The following PLCH2 variants were observed in gnomAD, a reference collection of about 807,000 sequenced individuals.
The protein encoded by PLCH2 is 1-phosphatidylinositol 4,5-bisphosphate phosphodiesterase eta-2.
A neutral mutation model predicts 134.7 loss-of-function variants in PLCH2; 98 were observed. The observed-to-expected ratio is 0.73, with a 90% CI of 0.62 to 0.86. The LOEUF is 0.86. PLCH2 is among the 40% of genes least tolerant of loss of function. The pLI is 0.00. For missense variants in PLCH2, 1,994 were observed against 1,986.6 expected, an observed-to-expected ratio of 1.00 and a Z score of -0.07; for synonymous variants, 974 against 827.5, an observed-to-expected ratio of 1.18 and a Z score of -3.04.
chr1:2,443,551 C>A (rs1283980806), intron 2 of PLCH2, among the ~76,000 whole-genome samples: 1 of 151,930 alleles, frequency 6.6e-6, no homozygotes, highest in African/African-American at 2.4e-5. Context: ...AGCATCTTTG[C>A]GGAGAAAGTA....
chr1:2,487,547 G>A, intron 7 of PLCH2, 51 bp from the exon 8 acceptor site: 1 of 1,583,252 alleles, frequency 6.3e-7, no homozygotes, highest in East Asian at 2.3e-5. Context: ...AGCCTGCCTG[G>A]GCTCACTGTG....
intron 2 of PLCH2, among the ~76,000 whole-genome samples, chr1:2,431,187 T>C (rs1383949920): frequency 6.6e-6 from 1 of 150,924 alleles, no homozygotes. Flanking sequence ...CCGCTTCTGC[T>C]CCCCCTGGGG....
chr1:2,497,811 A>G, intron 16 of PLCH2: 1 of 532,634 alleles, frequency 1.9e-6, no homozygotes, highest in South Asian at 2.8e-5. Flanking sequence ...TAGCGTTGCA[A>G]AGAAGGGCCC....
intron 2 of PLCH2, among the ~76,000 whole-genome samples, chr1:2,453,484 C>T (rs1044905128): frequency 3.3e-5 from 5 of 152,184 alleles, no homozygotes; most frequent in Non-Finnish European, 7.4e-5. Flanking sequence ...CCACTGGCCC[C>T]GGAATGCTGA....
chr1:2,428,635 C>T (rs985309826), intron 1 of PLCH2, among the ~76,000 whole-genome samples: 2 of 152,268 alleles, frequency 1.3e-5, no homozygotes, highest in Non-Finnish European at 2.9e-5. Flanking sequence ...AGCCCACGCC[C>T]GGCCCTTGCG....
chr1:2,426,842 A>T (rs1286110298), intron 1 of PLCH2, among the ~76,000 whole-genome samples: 1 of 152,236 alleles, frequency 6.6e-6, no homozygotes, highest in Admixed American at 6.5e-5. Flanking sequence ...CAGCAACCCC[A>T]CCAGCTTGGG....
Position 2,498,797 on chromosome 1 carries a change from C to A in PLCH2, c.2403C>A (p.Ser801Arg). The A allele has an allele frequency of 2.5e-6, 4 of 1,611,400 alleles. No individual in the cohort carries two copies. The highest frequency in any genetic ancestry group is 3.4e-6 in the Non-Finnish European group (4 of 1,179,018). The stretch of plus-strand genomic sequence containing the variant: ...TCATTGGGCTCCCTGTGGACTGCAG[C>A]AGGGAGCAGACCCGCGTGGTGGACG... ...VEIIGLPVDC[S>R]REQTRVVDDN... is the part of the protein sequence containing the mutation. The change falls in exon 18 of 22, where the codon AGC becomes AGA. Residue 801 changes from serine (S) to arginine (R), a missense_variant. Physicochemically the swap from Ser to Arg is moderately radical, Grantham distance 110. Around this residue, in one of 2 missense-constraint regions of PLCH2, gnomAD observed 1,094 missense variants for 1,234.3 expected, o/e 0.89. Transcript: ENST00000378486. This position sits in a 1 kb window ranked among gnomAD's most constrained non-coding sequence, Gnocchi z 5.4.
chr1:2,425,115 A>T (rs1478255342), upstream of PLCH2, among the ~76,000 whole-genome samples: 1 of 149,504 alleles, frequency 6.7e-6, no homozygotes, highest in Non-Finnish European at 1.5e-5. Flanking sequence ...GTGAGCGGAG[A>T]TCGCGCCACC....
Position 2,498,686 on chromosome 1 carries a change from T to TTTG in PLCH2, c.2349+39_2349+40insTTG. On this transcript the variant is annotated intron_variant, in intron 17 of 21. Transcript: ENST00000378486. The surrounding 1 kb of genome is among the most constrained non-coding windows in gnomAD (Gnocchi z 5.4). ...CCACACAGGCGGGAGGGGTGGGAGT[T>TTTG]GGGGGCGGGCCGGGCATCGCGATGG... The TTTG allele has an allele frequency of 8.3e-5, 23 of 275,712 alleles. No individual in the cohort carries two copies. The highest frequency in any genetic ancestry group is 1.2e-4 in the Non-Finnish European group (21 of 177,100). 17.1% of individuals were successfully genotyped at this position (275,712 alleles called of 1,614,324 possible).
intron 2 of PLCH2, among the ~76,000 whole-genome samples, chr1:2,451,643 C>T (rs767410580): frequency 6.6e-5 from 10 of 152,176 alleles, no homozygotes; most frequent in Non-Finnish European, 1.0e-4. Flanking sequence ...GGGCTCTGAC[C>T]CCTCAGAGGG....
the PLCH2 span, among the ~76,000 whole-genome samples, chr1:2,416,078 C>T: frequency 6.6e-6 from 1 of 152,256 alleles, no homozygotes; most frequent in South Asian, 2.1e-4. Flanking sequence ...ATCTGACGCA[C>T]CAGCAGGTGC....
chr1:2,457,116 C>T (rs1640534925), intron 2 of PLCH2, among the ~76,000 whole-genome samples: 1 of 152,244 alleles, frequency 6.6e-6, no homozygotes, highest in Non-Finnish European at 1.5e-5. Flanking sequence ...GTGGTCTTCT[C>T]ACACTGGCCA....
Position 2,505,340 on chromosome 1 carries a change from C to A in PLCH2, c.*127C>A. 1.5e-6 allele frequency: 1 copy of A among 660,942 alleles called. No homozygotes were observed. The highest frequency in any genetic ancestry group is 2.5e-6 in the Non-Finnish European group (1 of 400,398). The allele number at this position is 660,942 out of a possible 1,614,324, so 40.9% of individuals were successfully genotyped here. On this transcript the variant is annotated 3_prime_UTR_variant, in exon 22 of 22. Transcript: ENST00000378486. ...CCCTGGCTGCCCTGTGTCCCCTCCA[C>A]CCCTGCCTCCCTCCTGCCCCTGCTC...
At chr1:2,480,398 A>G in intron 4 of PLCH2, 86 bp downstream of exon 4, 1 of 1,459,866 alleles carries the variant, frequency 6.8e-7, no homozygotes, top group South Asian at 1.3e-5. Context: ...GCCAGCCCTG[A>G]CTGAGCTGGA....
intron 11 of PLCH2, among the ~76,000 whole-genome samples, chr1:2,492,747 G>A (rs1030785442): frequency 2.6e-5 from 4 of 152,130 alleles, no homozygotes; most frequent in African/African-American, 4.8e-5. Context: ...ACTGGGGGTC[G>A]TGGGGATGGC....
In PLCH2 at chr1:2,498,834, G is replaced by C; in HGVS notation, c.2434+6G>C. On this transcript the variant is annotated splice_donor_region_variant and intron_variant, in intron 18 of 21. Coordinates refer to ENST00000378486, the MANE Select transcript of PLCH2 (RefSeq NM_014638.4). This position sits in a 1 kb window ranked among gnomAD's most constrained non-coding sequence, Gnocchi z 5.4. ...CCGCGTGGTGGACGACAACGGTGAG[G>C]CTGGGCCGTGGCTCCGTCACACCTG... The C allele has an allele frequency of 1.9e-6, 3 of 1,602,268 alleles. No individual in the cohort carries two copies. The highest frequency in any genetic ancestry group is 2.6e-6 in the Non-Finnish European group (3 of 1,172,144).
intron 2 of PLCH2, among the ~76,000 whole-genome samples, chr1:2,457,944 C>T (rs749141799): frequency 6.6e-6 from 1 of 151,396 alleles, no homozygotes; most frequent in Non-Finnish European, 1.5e-5. Context: ...TGCTGTCCAC[C>T]GGGCGGGTGG....
chr1:2,480,120 C>G (rs1446429382), intron 3 of PLCH2, 63 bp from the exon 4 acceptor site: 4 of 1,601,286 alleles, frequency 2.5e-6, no homozygotes, highest in Admixed American at 3.4e-5. Flanking sequence ...CTCCCTAGGC[C>G]AGAGGGTGGA....
chr1:2,487,123 A>G (rs781734599), intron 6 of PLCH2, 50 bp from the exon 7 acceptor site: 33 of 1,521,388 alleles, frequency 2.2e-5, no homozygotes, highest in Non-Finnish European at 2.8e-5. Flanking sequence ...TGGTCATGAG[A>G]CGAGGCTGGT....
Sources: gnomAD v4.1 joint callset for allele counts (sites outside exome capture counted in the v4.1 genomes callset) on GRCh38, gnomAD v4.1.1 for gene constraint, gnomAD v4.1.1 regional missense constraint, Gnocchi (gnomAD v3.1) non-coding constraint, MANE v1.5 for transcripts, NCBI Gene and HGNC (gene_info 2026-07-23, HGNC 2026-07-21) for gene names.